The following LTBP1 variants were observed in gnomAD, a reference collection of about 807,000 sequenced individuals.
The protein encoded by LTBP1 is latent-transforming growth factor beta-binding protein 1.
A neutral mutation model predicts 207.6 loss-of-function variants in LTBP1; 129 were observed. The observed-to-expected ratio is 0.62, with a 90% CI of 0.54 to 0.72. LTBP1 has a LOEUF of 0.72. Ranked by LOEUF, LTBP1 falls within the 30% of genes least tolerant of loss-of-function variation. The pLI is 0.00. For synonymous variants in LTBP1, 963 were observed against 833.7 expected (o/e 1.16, Z -2.67); for missense variants, 2,281 against 2,217.2 (o/e 1.03, Z -0.58).
At chr2:33,289,508 C>T (rs1287708986) in intron 19 of LTBP1, among the ~76,000 whole-genome samples, 3 of 151,960 alleles carry the variant, frequency 2.0e-5, no homozygotes, top group East Asian at 1.9e-4. Context: ...TACAGGCACG[C>T]ACCACCACAC....
intron 9 of LTBP1, among the ~76,000 whole-genome samples, chr2:33,242,211 G>A (rs1443103917): frequency 1.3e-5 from 2 of 152,094 alleles, no homozygotes; most frequent in African/African-American, 4.8e-5. Flanking sequence ...TAGTGATTGA[G>A]GGCTGTATTT....
chr2:33,002,852 A>G (rs1418610781), intron 2 of LTBP1, among the ~76,000 whole-genome samples: 3 of 151,822 alleles, frequency 2.0e-5, no homozygotes, highest in Non-Finnish European at 2.9e-5. Flanking sequence ...TAATTTTTGT[A>G]TTTTTAGTAC....
At chr2:32,967,373 G>C (rs1358152809) in intron 2 of LTBP1, among the ~76,000 whole-genome samples, 1 of 151,628 alleles carries the variant, frequency 6.6e-6, no homozygotes, top group South Asian at 2.1e-4. Context: ...GATTTAATTT[G>C]CTGCTCTTTT....
intron 3 of LTBP1, among the ~76,000 whole-genome samples, chr2:33,097,443 G>A (rs2079458305): frequency 1.3e-5 from 2 of 152,064 alleles, no homozygotes; most frequent in African/African-American, 4.8e-5. Flanking sequence ...ACAATCAAGC[G>A]GGATCATTGG....
At chr2:33,221,633 A>T (rs1194634118) in intron 8 of LTBP1, among the ~76,000 whole-genome samples, 1 of 152,194 alleles carries the variant, frequency 6.6e-6, no homozygotes, top group Non-Finnish European at 1.5e-5. Context: ...TATTGTCTAA[A>T]GTGGGACACT....
chr2:33,229,333 G>T (rs1166929348), intron 9 of LTBP1, among the ~76,000 whole-genome samples: 1 of 151,938 alleles, frequency 6.6e-6, no homozygotes, highest in Non-Finnish European at 1.5e-5. Flanking sequence ...AAATTTGCTG[G>T]GTGTGGTGGT....
intron 3 of LTBP1, 138 bp downstream of exon 3, chr2:33,021,344 G>A: frequency 1.2e-6 from 1 of 822,084 alleles, no homozygotes; most frequent in Non-Finnish European, 1.8e-6. Context: ...CTTTCTTAAG[G>A]CTTTACACGT....
rs2093396304 is a variant in LTBP1, at chr2:33,274,948, T to G, written c.2744-17T>G. The G allele has an allele frequency of 6.2e-7, 1 of 1,612,494 alleles. No individual in the cohort carries two copies. The highest frequency in any genetic ancestry group is 1.7e-5 in the Admixed American group (1 of 59,964). ...GCTACACAGAACTAATATTTTTATA[T>G]GTATTTTTGTTAACAGATATTGATG... On this transcript the variant is annotated splice_polypyrimidine_tract_variant and intron_variant, in intron 16 of 33. Coordinates refer to ENST00000404816, the MANE Select transcript of LTBP1 (RefSeq NM_206943.4).
At chr2:33,294,149 G>GTGC (rs1447067760) in intron 20 of LTBP1, among the ~76,000 whole-genome samples, 2 of 151,724 alleles carry the variant, frequency 1.3e-5, no homozygotes, top group African/African-American at 4.8e-5. Flanking sequence ...GGGATTACAG[G>GTGC]CACACGCCAC....
chr2:32,947,195 G>C lies in LTBP1; in HGVS notation c.-130G>C. ...GAGCCTCCTCCCTCGCCACCGACTT[G>C]GTCTCCTCCCGCCTTTCCCGGGCTC... is the stretch of plus-strand genomic sequence containing the variant. On this transcript the variant is annotated 5_prime_UTR_variant, in exon 1 of 34. Transcript: ENST00000404816. The C allele has an allele frequency of 1.6e-6, 1 of 620,078 alleles. No homozygotes were observed. The highest frequency in any genetic ancestry group is 2.3e-6 in the Non-Finnish European group (1 of 438,280). 38.4% of individuals were successfully genotyped at this position (620,078 alleles called of 1,614,324 possible).
intron 4 of LTBP1, among the ~76,000 whole-genome samples, chr2:33,118,181 A>C (rs2080871056): frequency 6.9e-6 from 1 of 145,010 alleles, no homozygotes; most frequent in East Asian, 2.0e-4. Context: ...ACTACCTTTA[A>C]CTTGTGTGCA....
chr2:33,389,694 C>T (rs2095298771), intron 32 of LTBP1, among the ~76,000 whole-genome samples: 1 of 152,234 alleles, frequency 6.6e-6, no homozygotes, highest in South Asian at 2.1e-4. Context: ...GGCTGGAGTG[C>T]AGTGGCACGA....
intron 5 of LTBP1, among the ~76,000 whole-genome samples, chr2:33,172,601 A>G (rs1464575331): frequency 2.6e-5 from 4 of 152,200 alleles, no homozygotes; most frequent in Non-Finnish European, 5.9e-5. Flanking sequence ...TCAGCGAGAC[A>G]GAAAGTTAAC....
At chr2:33,170,105 A>C (rs1382164211) in intron 5 of LTBP1, among the ~76,000 whole-genome samples, 1 of 152,196 alleles carries the variant, frequency 6.6e-6, no homozygotes, top group Non-Finnish European at 1.5e-5. Flanking sequence ...CTGCATTTCC[A>C]TCTGAGGTAC....
intron 24 of LTBP1, among the ~76,000 whole-genome samples, chr2:33,331,655 A>T (rs2094495334): frequency 1.3e-5 from 2 of 152,120 alleles, no homozygotes; most frequent in Non-Finnish European, 2.9e-5. Context: ...TGTCTGCTTG[A>T]AAACAATTTA....
chr2:33,089,668 G>C (rs546876311), intron 3 of LTBP1, among the ~76,000 whole-genome samples: 2 of 152,312 alleles, frequency 1.3e-5, no homozygotes, highest in South Asian at 4.1e-4. Flanking sequence ...TGTTGAATCA[G>C]ATATTACTAA....
At chr2:33,257,207 T>G in intron 11 of LTBP1, 77 bp from the exon 12 acceptor site, 1 of 1,044,540 alleles carries the variant, frequency 9.6e-7, no homozygotes, top group Non-Finnish European at 1.5e-6. Flanking sequence ...TTAAGAGCTA[T>G]TCATCATGAT....
chr2:33,111,057 C>T (rs941792392), intron 4 of LTBP1, among the ~76,000 whole-genome samples: 3 of 152,164 alleles, frequency 2.0e-5, no homozygotes, highest in African/African-American at 7.2e-5. Flanking sequence ...ATATGTCTGA[C>T]ATGTTTACAT....
chr2:33,123,478 A>G (rs1238994716), intron 4 of LTBP1, among the ~76,000 whole-genome samples: 1 of 152,134 alleles, frequency 6.6e-6, no homozygotes, highest in Non-Finnish European at 1.5e-5. Flanking sequence ...TGTCTTGAAC[A>G]TGGAAATCTA....
Sources: gnomAD v4.1 joint callset for allele counts (sites outside exome capture counted in the v4.1 genomes callset) on GRCh38, gnomAD v4.1.1 for gene constraint, MANE v1.5 for transcripts, NCBI Gene and HGNC (gene_info 2026-07-23, HGNC 2026-07-21) for gene names.